Variants in SRRM4 observed in about 807,000 individuals in gnomAD.
SRRM4 encodes the protein serine/arginine repetitive matrix protein 4.
A neutral mutation model predicts 68.9 loss-of-function variants in SRRM4; 33 were observed. That is an observed-to-expected ratio of 0.48 (90% CI 0.36 to 0.64). SRRM4 has a LOEUF of 0.64. Ranked by LOEUF, SRRM4 falls within the 30% of genes least tolerant of loss-of-function variation. The pLI is 0.00. For missense variants in SRRM4, 817 were observed against 827.1 expected, an observed-to-expected ratio of 0.99 and a Z score of 0.15; for synonymous variants, 318 against 318.8, an observed-to-expected ratio of 1.00 and a Z score of 0.03.
chr12:119,128,563 C>T (rs1022479393), intron 7 of SRRM4, among the ~76,000 whole-genome samples: 1 of 152,210 alleles, frequency 6.6e-6, no homozygotes, highest in Non-Finnish European at 1.5e-5. Flanking sequence ...CAGGTGGACT[C>T]CTGGTGGCCT....
rs1953250520 is a variant in SRRM4 at position 118,981,989 on chromosome 12, T to C, written c.107T>C (p.Ile36Thr). 1 of 1,610,036 alleles carries C rather than the reference T, an allele frequency of 6.2e-7. No homozygotes were observed. Among genetic ancestry groups the C allele is most frequent in the South Asian group, 1.1e-5 (1 of 90,222 alleles). The change falls in exon 1 of 13, where the codon ATC becomes ACC. Residue 36 changes from isoleucine to threonine, a missense_variant. Physicochemically the swap from Ile to Thr is moderately conservative, Grantham distance 89. Transcript: ENST00000267260. ...PRPESIIVAS[I>T]TARKPLPRTE... ...CCCGAGAGCATCATTGTCGCCAGTA[T>C]CACGGCCCGCAAGCCGCTGCCAAGG...
rs1411720475 is a variant in SRRM4 at position 119,154,510 on chromosome 12, C to A, written c.1532+127C>A. 3 of 1,006,824 alleles carry A rather than the reference C, an allele frequency of 3.0e-6. No homozygotes were observed. Among genetic ancestry groups the A allele is most frequent in the Non-Finnish European group, 4.3e-6 (3 of 690,374 alleles). The allele number at this position is 1,006,824 out of a possible 1,614,324, so 62.4% of individuals were successfully genotyped here. On this transcript the variant is annotated intron_variant, in intron 12 of 12. Coordinates refer to ENST00000267260, the MANE Select transcript of SRRM4 (RefSeq NM_194286.4). This position sits in a 1 kb window ranked among gnomAD's most constrained non-coding sequence, Gnocchi z 4.7. ...ATTTAGGATTGTGCGAGCTTATGGT[C>A]CCCCCAACCCCAACATCATTGAAAT...
chr12:118,982,476 A>G (rs1204567157), intron 1 of SRRM4, among the ~76,000 whole-genome samples: 1 of 152,044 alleles, frequency 6.6e-6, no homozygotes, highest in Non-Finnish European at 1.5e-5. Flanking sequence ...AGCTTTGAAC[A>G]TTTTTGACAA....
intron 2 of SRRM4, 109 bp from the exon 3 acceptor site, chr12:119,114,169 T>C: frequency 3.6e-6 from 3 of 823,220 alleles, no homozygotes; most frequent in African/African-American, 1.7e-5. Context: ...GCACTGGCTA[T>C]AGGTCCTTGA....
intron 1 of SRRM4, among the ~76,000 whole-genome samples, chr12:119,088,173 G>A (rs1178062976): frequency 6.6e-6 from 1 of 152,080 alleles, no homozygotes; most frequent in Non-Finnish European, 1.5e-5. Context: ...TAGGTTCTGG[G>A]CCCTACTGTG....
At chr12:119,062,717 T>A (rs1253026726) in intron 1 of SRRM4, among the ~76,000 whole-genome samples, 2 of 152,216 alleles carry the variant, frequency 1.3e-5, no homozygotes, top group African/African-American at 4.8e-5. Flanking sequence ...GTGATAAGAA[T>A]TTTTCATCTA....
chr12:119,160,289 G>GTCTCTCTCTCTCTCTCTCTCTCTCTCTC lies in SRRM4; in HGVS notation c.*3498_*3525dup, dbSNP rs55907957. 1 of 143,160 alleles carries GTCTCTCTCTCTCTCTCTCTCTCTCTCTC rather than the reference G, an allele frequency of 7.0e-6. No homozygotes were observed. The highest frequency in any genetic ancestry group is 2.6e-5 in the African/African-American group (1 of 38,204). The allele number at this position is 143,160 out of a possible 1,614,324, so 8.9% of individuals were successfully genotyped here. A position where few individuals can be genotyped will look rare whatever the true frequency, so the allele number is the denominator to read the frequency against. On this transcript the variant is annotated 3_prime_UTR_variant, in exon 13 of 13. Transcript: ENST00000267260. ...TGTCTCTCTCTCTGTCTCTCTCTCT[G>GTCTCTCTCTCTCTCTCTCTCTCTCTCTC]TCTCTCTCTCTCTCTCTCTCTCTCT... is the stretch of plus-strand genomic sequence containing the variant.
At position 119,125,349 on chromosome 12, in the gene SRRM4, T is replaced by C. The variant is rs776110098; in HGVS notation, c.516-32T>C. The C allele has an allele frequency of 6.9e-6, 11 of 1,582,770 alleles. No individual in the cohort carries two copies. In the South Asian group the frequency reaches 1.1e-4, roughly 16 times the overall value. On this transcript the variant is annotated intron_variant, in intron 6 of 12. Coordinates refer to ENST00000267260, the MANE Select transcript of SRRM4 (RefSeq NM_194286.4). The stretch of plus-strand genomic sequence containing the variant: ...TCCCTTTTTTACTCTCTCTCTCCTC[T>C]CCTCTGACTCGTTCCTTCTCATCCC...
intron 1 of SRRM4, among the ~76,000 whole-genome samples, chr12:119,056,174 A>C (rs1316526621): frequency 6.6e-6 from 1 of 152,184 alleles, no homozygotes; most frequent in Non-Finnish European, 1.5e-5. Flanking sequence ...AACAGCCTGC[A>C]TGATGCTCCC....
intron 1 of SRRM4, among the ~76,000 whole-genome samples, chr12:118,991,470 A>G (rs1953316425): frequency 6.6e-6 from 1 of 152,224 alleles, no homozygotes; most frequent in Non-Finnish European, 1.5e-5. Flanking sequence ...TTGTAATTAT[A>G]TATGGATTTG....
intron 1 of SRRM4, among the ~76,000 whole-genome samples, chr12:119,005,915 C>A (rs1213214822): frequency 1.3e-5 from 2 of 152,104 alleles, no homozygotes; most frequent in Non-Finnish European, 2.9e-5. Context: ...AGCCGTGTGA[C>A]CTTGGGCAAA....
At chr12:119,113,142 T>C (rs766331464) in intron 2 of SRRM4, among the ~76,000 whole-genome samples, 1 of 152,214 alleles carries the variant, frequency 6.6e-6, no homozygotes, top group Non-Finnish European at 1.5e-5. Flanking sequence ...ATATGATTCT[T>C]ATTTGCTGAA....
intron 2 of SRRM4, chr12:119,114,044 A>G: frequency 2.6e-6 from 1 of 377,938 alleles, no homozygotes; most frequent in Non-Finnish European, 4.9e-6. Flanking sequence ...TCTGTTTTTA[A>G]TAATCAGTTG....
rs751543212 is a variant in SRRM4 at position 119,151,037 on chromosome 12, T to C, written c.1097T>C (p.Leu366Pro). Reference protein sequence around the residue: ...RESRGFQSPCLECAEVKKSSL... With the variant: ...RESRGFQSPCPECAEVKKSSL... The stretch of plus-strand genomic sequence containing the variant: ...TGCAGGGGATTTCAGTCACCGTGTC[T>C]GGAATGTGCCGAAGTGAAGAAGTCC... Residue 366 changes from leucine (L) to proline (P), a missense_variant, in exon 10 of 13, where the codon CTG (leucine) becomes CCG (proline). Physicochemically the swap from Leu to Pro is moderately conservative, Grantham distance 98 (BLOSUM62 -3). Coordinates refer to ENST00000267260, the MANE Select transcript of SRRM4 (RefSeq NM_194286.4). The C allele has an allele frequency of 6.2e-7, 1 of 1,613,986 alleles. No homozygotes were observed. The highest frequency in any genetic ancestry group is 2.2e-5 in the East Asian group (1 of 44,868).
chr12:119,006,836 A>G (rs1340601312), intron 1 of SRRM4, among the ~76,000 whole-genome samples: 1 of 152,236 alleles, frequency 6.6e-6, no homozygotes, highest in Non-Finnish European at 1.5e-5. Flanking sequence ...CTCCTGCTGG[A>G]GATGGGCATG....
intron 1 of SRRM4, among the ~76,000 whole-genome samples, chr12:119,067,856 G>C (rs781434031): frequency 6.6e-6 from 1 of 152,330 alleles, no homozygotes; most frequent in East Asian, 1.9e-4. Context: ...GTAAAATGGA[G>C]GTAATACAGT....
At chr12:119,151,798 C>A (rs1345442653) in intron 10 of SRRM4, among the ~76,000 whole-genome samples, 1 of 152,180 alleles carries the variant, frequency 6.6e-6, no homozygotes, top group African/African-American at 2.4e-5. Context: ...GGTTTGTTCA[C>A]ATGGTGATGG....
At chr12:119,121,885 C>T (rs939127480) in intron 5 of SRRM4, among the ~76,000 whole-genome samples, 185 bp from the exon 6 acceptor site, 1 of 152,292 alleles carries the variant, frequency 6.6e-6, no homozygotes, top group East Asian at 1.9e-4. Context: ...TATGTGTGTG[C>T]GTCGGTATCC....
intron 9 of SRRM4, among the ~76,000 whole-genome samples, chr12:119,147,924 T>C (rs1255621583): frequency 1.3e-5 from 2 of 152,212 alleles, no homozygotes; most frequent in Non-Finnish European, 2.9e-5. Context: ...ATTCATTCTG[T>C]TGTTTATTCC....
Sources: gnomAD v4.1 joint callset for allele counts (sites outside exome capture counted in the v4.1 genomes callset) on GRCh38, gnomAD v4.1.1 for gene constraint, Gnocchi (gnomAD v3.1) non-coding constraint, MANE v1.5 for transcripts, NCBI Gene and HGNC (gene_info 2026-07-23, HGNC 2026-07-21) for gene names.